The following ENO4 variants were observed in gnomAD, a reference collection of about 807,000 sequenced individuals.
ENO4 encodes the protein 2-phospho-D-glycerate hydro-lyase.
ENO4 carries 53 observed loss-of-function variants against 63.2 expected under a neutral mutation model. That is an observed-to-expected ratio of 0.84 (90% CI 0.67 to 1.05). The LOEUF is 1.05. Ranked by LOEUF, ENO4 falls within the 50% of genes least tolerant of loss-of-function variation. The probability of loss-of-function intolerance (pLI) is 0.00; values close to 1 mark genes in which losing one functional copy is unlikely to be tolerated. For missense variants in ENO4, 719 were observed against 772.0 expected (o/e 0.93, Z 0.81); for synonymous variants, 266 against 283.8 (o/e 0.94, Z 0.63).
intron 7 of ENO4, 107 bp from the exon 8 acceptor site, chr10:116,868,543 G>A (rs969277916): frequency 2.3e-6 from 2 of 885,182 alleles, no homozygotes; most frequent in African/African-American, 1.7e-5. Context: ...GTGCACACGT[G>A]TGTGAGATTC....
chr10:116,886,140 A>G, downstream of ENO4: 1 of 702,706 alleles, frequency 1.4e-6, no homozygotes, highest in Admixed American at 3.2e-5. Flanking sequence ...AGATCAAAAA[A>G]CCAAAACCTA....
At chr10:116,877,545 G>A (rs1400462909) in intron 11 of ENO4, among the ~76,000 whole-genome samples, 2 of 152,088 alleles carry the variant, frequency 1.3e-5, no homozygotes, top group South Asian at 2.1e-4. Flanking sequence ...AGAGACCTGA[G>A]GCAAGGGTAG....
chr10:116,906,852 T>A (rs918016870), intron 10 of ENO4: 14 of 940,170 alleles, frequency 1.5e-5, no homozygotes, highest in African/African-American at 3.4e-5. Context: ...TTGAATGGAA[T>A]TATGAAACAA....
chr10:116,875,151 C>T (rs541382244), intron 10 of ENO4, among the ~76,000 whole-genome samples: 1 of 152,238 alleles, frequency 6.6e-6, no homozygotes, highest in East Asian at 1.9e-4. Context: ...ATATATTGAA[C>T]AGATATCTTC....
At position 116,871,142 on chromosome 10, in the gene ENO4, G is replaced by C; in HGVS notation, c.1065G>C (p.Lys355Asn). The C allele has an allele frequency of 6.4e-7, 1 of 1,550,454 alleles. No individual in the cohort carries two copies. Among genetic ancestry groups the C allele is most frequent in the Non-Finnish European group, 8.7e-7 (1 of 1,146,950 alleles). ...SKRGQQQITGKMSHLGCLTIN... is the reference protein window; with the variant it reads ...SKRGQQQITGNMSHLGCLTIN... Reference sequence around the variant, plus strand: ...TCTTGCAGCAGCAGATCACTGGCAAGATGTCTCATCTTGGCTGTTTAACCA... The same window carrying C: ...TCTTGCAGCAGCAGATCACTGGCAACATGTCTCATCTTGGCTGTTTAACCA... Residue 355 changes from lysine (K) to asparagine (N), a missense_variant, in exon 9 of 14, where the codon AAG becomes AAC. Transcript: ENST00000341276.
chr10:116,877,248 C>T (rs1465056119), intron 11 of ENO4, among the ~76,000 whole-genome samples: 1 of 152,130 alleles, frequency 6.6e-6, no homozygotes, highest in African/African-American at 2.4e-5. Context: ...ACTTTATGCT[C>T]TAGATTCTAG....
chr10:116,884,197 C>T (rs1174315980), downstream of ENO4: 1 of 456,650 alleles, frequency 2.2e-6, no homozygotes, highest in South Asian at 1.5e-5. Context: ...ATGAACATAC[C>T]TTGCAGATAT....
At chr10:116,910,319 AG>A (rs1228646474) in intron 10 of ENO4, among the ~76,000 whole-genome samples, 3 of 152,238 alleles carry the variant, frequency 2.0e-5, no homozygotes, top group Non-Finnish European at 2.9e-5. Context: ...ATGCCAGGTA[AG>A]GCAGTGAGAT....
downstream of ENO4, chr10:116,911,842 G>C (rs1222989048): frequency 1.2e-6 from 2 of 1,609,624 alleles, no homozygotes; most frequent in East Asian, 4.5e-5. Flanking sequence ...CGAAGATTCT[G>C]GCTATAATTT....
intron 10 of ENO4, among the ~76,000 whole-genome samples, chr10:116,896,801 C>CTTTT (rs1230730641): frequency 9.9e-5 from 12 of 121,712 alleles, no homozygotes; most frequent in African/African-American, 1.9e-4. Context: ...TGATCAGGTA[C>CTTTT]TTTTTTTTTT....
chr10:116,868,563 GGTCAGGTCTCA>G, intron 7 of ENO4, 76 bp from the exon 8 acceptor site: 1 of 1,085,606 alleles, frequency 9.2e-7, no homozygotes, highest in Non-Finnish European at 1.4e-6. Context: ...CAGTGTTGCT[GGTCAGGTCTCA>G]GAGCAGTAAG....
chr10:116,855,804 T>C, intron 2 of ENO4, 53 bp downstream of exon 2: 2 of 1,462,802 alleles, frequency 1.4e-6, no homozygotes, highest in Non-Finnish European at 1.8e-6. Flanking sequence ...CTGCATTTAT[T>C]AGCAACACTT....
In ENO4 at chr10:116,906,569, T is replaced by C. The variant is rs1847978963; in HGVS notation, c.1195-4930T>C. The C allele has an allele frequency of 2.0e-6, 3 of 1,510,544 alleles. No individual in the cohort carries two copies. The Admixed American group carries it at 6.7e-5, about 34-fold the overall frequency. The allele number at this position is 1,510,544 out of a possible 1,614,324, so 93.6% of individuals were successfully genotyped here. ...AGATTGTTTCATGTAAAAAGAGACTTAGAAGAAGATGTTTCAGAGATGAAG... is the reference window on the plus strand; with the variant it reads ...AGATTGTTTCATGTAAAAAGAGACTCAGAAGAAGATGTTTCAGAGATGAAG... On this transcript the variant is annotated intron_variant, in intron 10 of 10. Transcript: ENST00000369207.
At position 116,882,365 on chromosome 10, in the gene ENO4, T is replaced by C. The variant is rs186150493; in HGVS notation, c.*696T>C. 18 of 143,984 alleles carry C rather than the reference T, an allele frequency of 1.3e-4. No homozygotes were observed. In the East Asian group the frequency reaches 3.5e-3, roughly 28 times the overall value. 8.9% of individuals were successfully genotyped at this position (143,984 alleles called of 1,614,324 possible). On this transcript the variant is annotated 3_prime_UTR_variant, in exon 14 of 14. Coordinates refer to ENST00000341276, the MANE Select transcript of ENO4 (RefSeq NM_001242699.2). ...AGGTTATTAAATGCCCAGTTATTCA[T>C]ACCACAGCATTTAAAAAGCAATCCG...
At position 116,881,528 on chromosome 10, in the gene ENO4, A is replaced by C. The variant is rs765088521; in HGVS notation, c.1737A>C (p.Glu579Asp). ...TACTTTAAATAGGTTTCAAAGAAGAACACACTTTTTTTTACTTTAATGAGG... is the reference window on the plus strand; with the variant it reads ...TACTTTAAATAGGTTTCAAAGAAGACCACACTTTTTTTTACTTTAATGAGG... The part of the protein sequence containing the change: ...VQNGTLGFKE[E>D]HTFFYFNEEA... Residue 579 changes from glutamate to aspartate, a missense_variant, in exon 14 of 14, where the codon GAA becomes GAC. Coordinates refer to ENST00000341276, the MANE Select transcript of ENO4 (RefSeq NM_001242699.2). 11 of 1,543,572 alleles carry C rather than the reference A, an allele frequency of 7.1e-6. No individual in the cohort carries two copies. The South Asian group carries it at 1.3e-4, about 19-fold the overall frequency.
intron 7 of ENO4, among the ~76,000 whole-genome samples, chr10:116,864,642 A>T (rs957637286): frequency 3.3e-5 from 5 of 152,174 alleles, no homozygotes; most frequent in African/African-American, 1.2e-4. Context: ...CCTCCTACAG[A>T]CTGCCACCCT....
At chr10:116,868,747 G>C (rs769733077) in intron 8 of ENO4, 41 bp downstream of exon 8, 46 of 1,511,594 alleles carry the variant, frequency 3.0e-5, no homozygotes, top group Non-Finnish European at 4.0e-5. Context: ...ATATGACACT[G>C]TCTATAAATT....
At chr10:116,879,624 G>A (rs1589765939) in intron 12 of ENO4, among the ~76,000 whole-genome samples, 1 of 152,134 alleles carries the variant, frequency 6.6e-6, no homozygotes, top group Non-Finnish European at 1.5e-5. Flanking sequence ...AGGCCAGAAC[G>A]TTCTTACATA....
intron 10 of ENO4, among the ~76,000 whole-genome samples, chr10:116,910,190 G>A (rs560293809): frequency 6.6e-6 from 1 of 152,138 alleles, no homozygotes; most frequent in Non-Finnish European, 1.5e-5. Flanking sequence ...ACTTCTATGG[G>A]GGAAGAGGAG....
Sources: allele counts gnomAD v4.1 joint callset (sites outside exome capture counted in the v4.1 genomes callset), GRCh38; gene constraint gnomAD v4.1.1; transcripts MANE v1.5; gene names NCBI Gene and HGNC (gene_info 2026-07-23, HGNC 2026-07-21).